The following SLIT1 variants were observed in gnomAD, a reference collection of about 807,000 sequenced individuals.
SLIT1 encodes slit guidance ligand 1.
A neutral mutation model predicts 186.1 loss-of-function variants in SLIT1; 66 were observed. The ratio of observed to expected loss-of-function variants is 0.35; its 90% CI spans 0.29 to 0.44. SLIT1 has a LOEUF of 0.44. Among genes scored for constraint, SLIT1 ranks in the 20% least tolerant of loss-of-function variants. The pLI is 1.00. For missense variants in SLIT1, 1,638 were observed against 2,037.4 expected, an observed-to-expected ratio of 0.80 and a Z score of 3.77; for synonymous variants, 761 against 833.8, an observed-to-expected ratio of 0.91 and a Z score of 1.50.
In SLIT1 at chr10:97,030,750, T is replaced by TA; in HGVS notation, c.2582+6dup. ...AGAGGCCCAGAGAAAGGGGCTAGGG[T>TA]ACTCACAGGTGAGACAGGGAGGTCA... On this transcript the variant is annotated splice_region_variant and intron_variant, in intron 25 of 36. Transcript: ENST00000266058. 6.2e-7 allele frequency: 1 copy of TA among 1,611,138 alleles called. No homozygotes were observed. The highest frequency in any genetic ancestry group is 8.5e-7 in the Non-Finnish European group (1 of 1,177,526).
chr10:97,185,496 G>A lies in SLIT1; in HGVS notation c.179C>T (p.Pro60Leu). 13 of 1,612,306 alleles carry A rather than the reference G, an allele frequency of 8.1e-6. No homozygotes were observed. Among genetic ancestry groups the A allele is most frequent in the Non-Finnish European group, 1.0e-5 (12 of 1,179,648 alleles). The change falls in exon 1 of 37, where the codon CCT becomes CTT. Residue 60 changes from proline (P) to leucine (L), a missense_variant. Coordinates refer to ENST00000266058, the MANE Select transcript of SLIT1 (RefSeq NM_003061.3). ...TACTCACAGGCGCTCGGTGTTCCGAGGTATATTCTTGGGAATGGCCTGCAG... is the reference window on the plus strand; with the variant it reads ...TACTCACAGGCGCTCGGTGTTCCGAAGTATATTCTTGGGAATGGCCTGCAG... ...TGLQAIPKNIPRNTERLELNG... is the reference protein window; with the variant it reads ...TGLQAIPKNILRNTERLELNG...
rs1005127800 is a variant in SLIT1, at chr10:97,080,620, C to T, written c.414-14534G>A. Among the ~76,000 whole-genome samples, 4 of 152,204 alleles carry T rather than the reference C, an allele frequency of 2.6e-5. No homozygotes were observed. In the South Asian group the frequency reaches 8.3e-4, roughly 31 times the overall value. On this transcript the variant is annotated intron_variant, in intron 4 of 36. Transcript: ENST00000266058. ...TCCACCATTCCTCTGTAGGAAGAGG[C>T]TGGGGCGGGTTCACTATAGTTCAAA...
At chr10:97,076,846 A>C (rs1589383491) in intron 4 of SLIT1, among the ~76,000 whole-genome samples, 1 of 152,330 alleles carries the variant, frequency 6.6e-6, no homozygotes, top group South Asian at 2.1e-4. Context: ...GGCCAGGGCC[A>C]GGGTGCAAAG....
rs767527563 is a variant in SLIT1 at position 97,014,103 on chromosome 10, A to T, written c.3025T>A (p.Cys1009Ser). The T allele has an allele frequency of 6.2e-7, 1 of 1,614,056 alleles. No homozygotes were observed. The highest frequency in any genetic ancestry group is 8.5e-7 in the Non-Finnish European group (1 of 1,180,022). Residue 1009 changes from cysteine (C) to serine (S), a missense_variant, in exon 29 of 37, where the codon TGT becomes AGT. By Grantham distance (112) the Cys-to-Ser change is moderately radical. This residue lies in a region of SLIT1 where 1,245 missense variants were observed against 1,535.3 expected (regional missense o/e 0.81). Coordinates refer to ENST00000266058, the MANE Select transcript of SLIT1 (RefSeq NM_003061.3). ...CCATTGGCACAGGCATGATCCACAC[A>T]GTCATCTGTGTTCACCCCACAGGTT... is the stretch of plus-strand genomic sequence containing the variant. ...GPTCGVNTDDCVDHACANGGV... is the reference protein window; with the variant it reads ...GPTCGVNTDDSVDHACANGGV...
At chr10:97,032,763 C>T (rs11188994) in intron 23 of SLIT1, among the ~76,000 whole-genome samples, 67,150 of 151,896 alleles carry the variant, frequency 0.44, 15,292 homozygotes, top group Admixed American at 0.56. Flanking sequence ...CCCCAGCAGA[C>T]GAATGGATGA....
At chr10:97,031,817 T>A in intron 23 of SLIT1, 140 bp from the exon 24 acceptor site, 1 of 651,162 alleles carries the variant, frequency 1.5e-6, no homozygotes, top group Non-Finnish European at 2.7e-6. Context: ...AGCCGGCAAG[T>A]GCATGGGCTG....
intron 4 of SLIT1, among the ~76,000 whole-genome samples, chr10:97,074,750 C>G (rs1043329787): frequency 6.6e-6 from 1 of 152,244 alleles, no homozygotes; most frequent in African/African-American, 2.4e-5. Context: ...AGGGGGCCGC[C>G]AGGCCCACAC....
In SLIT1 at chr10:97,185,741, C is replaced by T; in HGVS notation, c.-67G>A. 1.5e-6 allele frequency: 2 copies of T among 1,340,244 alleles called. No homozygotes were observed. Among genetic ancestry groups the T allele is most frequent in the Non-Finnish European group, 1.9e-6 (2 of 1,026,860 alleles). 83.0% of individuals were successfully genotyped at this position (1,340,244 alleles called of 1,614,324 possible). A position where few individuals can be genotyped will look rare whatever the true frequency, so the allele number is the denominator to read the frequency against. The stretch of plus-strand genomic sequence containing the variant: ...GCCGCTGACCATCCCCGTCCGGGGC[C>T]GCCTCCAGGTGCAGTCCCGGGGCAG... On this transcript the variant is annotated 5_prime_UTR_variant, in exon 1 of 37. Coordinates refer to ENST00000266058, the MANE Select transcript of SLIT1 (RefSeq NM_003061.3).
chr10:97,041,054 C>T (rs541394338), intron 20 of SLIT1, among the ~76,000 whole-genome samples: 126 of 152,310 alleles, frequency 8.3e-4, no homozygotes, highest in South Asian at 3.7e-3. Flanking sequence ...GAAACTTGCC[C>T]CAGCCTGGAG....
intron 28 of SLIT1, among the ~76,000 whole-genome samples, chr10:97,015,207 G>A (rs1848445375): frequency 6.6e-6 from 1 of 152,198 alleles, no homozygotes; most frequent in African/African-American, 2.4e-5. Context: ...TACAGACTGG[G>A]GGGTGATGGG....
rs1224752762 is a variant in SLIT1, at chr10:97,117,689, C to T, written c.413+40129G>A. On this transcript the variant is annotated intron_variant, in intron 4 of 36. Transcript: ENST00000266058. Reference sequence around the variant, plus strand: ...AGGCTTGGGCCATGCAAGTGACGCACATGCAAGTCACTCAGTTACCAGCAA... The same window carrying T: ...AGGCTTGGGCCATGCAAGTGACGCATATGCAAGTCACTCAGTTACCAGCAA... Among the ~76,000 whole-genome samples, 107 of 152,302 alleles carry T rather than the reference C, an allele frequency of 7.0e-4. 1 individual carries two copies. Among genetic ancestry groups the T allele is most frequent in the Non-Finnish European group, 2.4e-4 (16 of 68,030 alleles).
intron 4 of SLIT1, among the ~76,000 whole-genome samples, chr10:97,119,342 C>T (rs1021804147): frequency 5.9e-5 from 9 of 152,194 alleles, no homozygotes; most frequent in African/African-American, 2.2e-4. Context: ...TGGAAAGGGG[C>T]GGGGGAAGCT....
At chr10:97,104,511 C>G (rs1315986752) in intron 4 of SLIT1, among the ~76,000 whole-genome samples, 1 of 152,042 alleles carries the variant, frequency 6.6e-6, no homozygotes, top group Non-Finnish European at 1.5e-5. Flanking sequence ...AGTTTCTATC[C>G]GGTCACTCCA....
chr10:97,128,983 G>GT (rs1849628492), intron 4 of SLIT1, among the ~76,000 whole-genome samples: 2 of 152,290 alleles, frequency 1.3e-5, no homozygotes, highest in Admixed American at 1.3e-4. Context: ...GTGCAGTGTG[G>GT]TAGAGGAGCA....
At chr10:97,065,615 G>C (rs1441858539) in intron 5 of SLIT1, 1 of 188,282 alleles carries the variant, frequency 5.3e-6, no homozygotes, top group African/African-American at 2.3e-5. Context: ...ATATATCGAG[G>C]CTCAGCGATG....
At chr10:97,040,710 G>A (rs1848683198) in intron 20 of SLIT1, among the ~76,000 whole-genome samples, 1 of 152,212 alleles carries the variant, frequency 6.6e-6, no homozygotes, top group Non-Finnish European at 1.5e-5. Context: ...GCAATGCAGA[G>A]TCTGAGCCCA....
rs1250639173 is a variant in SLIT1 at position 97,051,767 on chromosome 10, G to A, written c.1302-2649C>T. On this transcript the variant is annotated intron_variant, in intron 13 of 36. Coordinates refer to ENST00000266058, the MANE Select transcript of SLIT1 (RefSeq NM_003061.3). The stretch of plus-strand genomic sequence containing the variant: ...GTGGAGGATGCAGTGAGCCGAGATC[G>A]TGCCACTGCACTCCAGCCTGGGCGA... Among the ~76,000 whole-genome samples, 6 of 149,498 alleles carry A rather than the reference G, an allele frequency of 4.0e-5. No homozygotes were observed. The South Asian group carries it at 6.3e-4, about 16-fold the overall frequency.
chr10:97,178,159 C>G (rs1388755195), intron 1 of SLIT1, among the ~76,000 whole-genome samples: 1 of 152,068 alleles, frequency 6.6e-6, no homozygotes, highest in Non-Finnish European at 1.5e-5. Context: ...CAGACAATCC[C>G]CCTGACAAAT....
At chr10:97,036,843 G>A (rs1347303786) in intron 22 of SLIT1, among the ~76,000 whole-genome samples, 38 of 152,212 alleles carry the variant, frequency 2.5e-4, no homozygotes, top group Non-Finnish European at 2.4e-4. Context: ...GGCTTATTTT[G>A]TATATTTTCA....
Sources: allele counts gnomAD v4.1 joint callset (sites outside exome capture counted in the v4.1 genomes callset), GRCh38; gene constraint gnomAD v4.1.1; regional missense constraint gnomAD v4.1.1; transcripts MANE v1.5; gene names NCBI Gene and HGNC (gene_info 2026-07-23, HGNC 2026-07-21).